The following SGCG variants were observed in gnomAD, a reference collection of about 807,000 sequenced individuals.
SGCG encodes gamma-sarcoglycan.
SGCG carries 26 observed loss-of-function variants against 29.3 expected under a neutral mutation model. The ratio of observed to expected loss-of-function variants is 0.89; its 90% CI spans 0.65 to 1.23. The LOEUF (loss-of-function observed/expected upper bound fraction) is 1.23. SGCG is among the 50% of genes most tolerant of loss of function. The pLI is 0.00. For synonymous variants in SGCG, 145 were observed against 129.7 expected (o/e 1.12, Z -0.80); for missense variants, 353 against 356.0 (o/e 0.99, Z 0.07).
chr13:23,217,837 A>G (rs1474219898), intron 2 of SGCG, among the ~76,000 whole-genome samples: 1 of 151,872 alleles, frequency 6.6e-6, no homozygotes, highest in Non-Finnish European at 1.5e-5. Context: ...TCAAAAATCA[A>G]CCCTACTCAA....
At chr13:23,314,162 T>G (rs12017723) in intron 6 of SGCG, among the ~76,000 whole-genome samples, 16,922 of 148,828 alleles carry the variant, frequency 0.11, 1,063 homozygotes, top group Admixed American at 0.18. Context: ...GCTATATATA[T>G]AGAGTTTTGA....
intron 2 of SGCG, among the ~76,000 whole-genome samples, chr13:23,221,333 T>G (rs1320770096): frequency 1.3e-5 from 2 of 152,348 alleles, no homozygotes; most frequent in East Asian, 1.9e-4. Flanking sequence ...AAAGTTTTTT[T>G]GAATTAGGAC....
chr13:23,226,845 A>C (rs528368241), intron 2 of SGCG, among the ~76,000 whole-genome samples: 1 of 152,330 alleles, frequency 6.6e-6, no homozygotes, highest in African/African-American at 2.4e-5. Flanking sequence ...ACAACAAAAA[A>C]GAAAACTGAG....
chr13:23,187,140 C>T (rs1252536119), intron 1 of SGCG, among the ~76,000 whole-genome samples: 1 of 152,186 alleles, frequency 6.6e-6, no homozygotes, highest in Non-Finnish European at 1.5e-5. Context: ...CCATTCTGGG[C>T]TGCTCTGTAT....
intron 4 of SGCG, chr13:23,268,443 A>G (rs1168326286): frequency 6.6e-6 from 1 of 152,614 alleles, no homozygotes; most frequent in Admixed American, 6.5e-5. Context: ...CAGATACTAC[A>G]GAAGAGATTC....
chr13:23,200,180 T>C (rs1428637763), intron 1 of SGCG, among the ~76,000 whole-genome samples: 1 of 152,188 alleles, frequency 6.6e-6, no homozygotes, highest in Non-Finnish European at 1.5e-5. Flanking sequence ...CCCAGCACTT[T>C]GGGAGGCCGA....
chr13:23,273,808 A>G (rs942271955), intron 4 of SGCG, among the ~76,000 whole-genome samples: 2 of 152,192 alleles, frequency 1.3e-5, no homozygotes, highest in African/African-American at 4.8e-5. Context: ...GATCAGTTTC[A>G]GTGAATGTGC....
chr13:23,160,586 G>C, the SGCG span, among the ~76,000 whole-genome samples: 13 of 152,120 alleles, frequency 8.5e-5, no homozygotes, highest in Non-Finnish European at 1.3e-4. Context: ...GTGTCATCCC[G>C]TCGGGAATGA....
At chr13:23,176,415 G>A (rs967886929), upstream of SGCG, among the ~76,000 whole-genome samples, 1 of 152,050 alleles carries the variant, frequency 6.6e-6, no homozygotes, top group Non-Finnish European at 1.5e-5. Context: ...ATATTTGGGT[G>A]CTTTACTGTT....
intron 6 of SGCG, among the ~76,000 whole-genome samples, chr13:23,300,443 T>C (rs537682983): frequency 1.2e-3 from 189 of 152,294 alleles, no homozygotes; most frequent in African/African-American, 4.4e-3. Context: ...TTGTTCAGTG[T>C]GCATGAAACA....
chr13:23,249,213 A>G (rs1343634644), intron 3 of SGCG, among the ~76,000 whole-genome samples: 3 of 151,992 alleles, frequency 2.0e-5, no homozygotes, highest in African/African-American at 7.3e-5. Flanking sequence ...TGGTGTGACT[A>G]CCCTCCCATC....
chr13:23,253,268 A>G (rs1429030091), intron 4 of SGCG, among the ~76,000 whole-genome samples: 2 of 152,144 alleles, frequency 1.3e-5, no homozygotes, highest in African/African-American at 4.8e-5. Flanking sequence ...AAAATAAGTT[A>G]CACATCAAAA....
chr13:23,303,161 C>T (rs515658), intron 6 of SGCG, among the ~76,000 whole-genome samples: 109,862 of 152,094 alleles, frequency 0.72, 41,584 homozygotes, highest in East Asian at 0.89. Flanking sequence ...TGTAATACAT[C>T]ATAATCGATT....
intron 4 of SGCG, among the ~76,000 whole-genome samples, chr13:23,257,723 A>G (rs1374768939): frequency 1.3e-5 from 2 of 152,180 alleles, no homozygotes; most frequent in Non-Finnish European, 2.9e-5. Flanking sequence ...TAATTTTCAT[A>G]TAAAGTGTAA....
intron 3 of SGCG, among the ~76,000 whole-genome samples, chr13:23,243,029 G>A (rs577819501): frequency 1.5e-4 from 23 of 152,176 alleles, no homozygotes; most frequent in Non-Finnish European, 2.6e-4. Flanking sequence ...TAAAAATATA[G>A]ATTAAAGAGC....
chr13:23,252,183 A>G (rs1011717467), intron 4 of SGCG, among the ~76,000 whole-genome samples: 4 of 152,174 alleles, frequency 2.6e-5, no homozygotes, highest in Admixed American at 6.5e-5. Context: ...ATACAGTATT[A>G]TCATTTATCT....
intron 3 of SGCG, chr13:23,246,805 A>G: frequency 5.0e-6 from 1 of 198,380 alleles, no homozygotes; most frequent in South Asian, 1.0e-4. Flanking sequence ...GAAGCCGATG[A>G]AGACCTACTG....
chr13:23,293,864 C>G (rs1298648572), intron 5 of SGCG, among the ~76,000 whole-genome samples: 2 of 151,100 alleles, frequency 1.3e-5, no homozygotes, highest in South Asian at 4.2e-4. Context: ...AAGGGCTGCT[C>G]AAAAGATCTT....
intron 1 of SGCG, among the ~76,000 whole-genome samples, chr13:23,190,275 G>A (rs1753106): frequency 0.5 from 75,404 of 151,872 alleles, 19,359 homozygotes; most frequent in African/African-American, 0.65. Flanking sequence ...CTTCTGACTT[G>A]ATATGAGTAA....
Sources: allele counts gnomAD v4.1 joint callset (sites outside exome capture counted in the v4.1 genomes callset), GRCh38; gene constraint gnomAD v4.1.1; transcripts MANE v1.5; gene names NCBI Gene and HGNC (gene_info 2026-07-23, HGNC 2026-07-21).